MIS18A: variants seen among roughly 807,000 people sequenced by gnomAD.
MIS18A encodes protein Mis18-alpha.
MIS18A carries 14 observed loss-of-function variants against 25.0 expected under a neutral mutation model. The ratio of observed to expected loss-of-function variants is 0.56; its 90% confidence interval spans 0.37 to 0.88. The LOEUF is 0.88. Ranked by LOEUF, MIS18A falls within the 40% of genes least tolerant of loss-of-function variation. MIS18A has a pLI of 0.00. For missense variants in MIS18A, 292 were observed against 290.8 expected (o/e 1.00, Z -0.03); for synonymous variants, 134 against 118.6 (o/e 1.13, Z -0.84).
the MIS18A span, among the ~76,000 whole-genome samples, chr21:32,254,652 G>A: frequency 6.6e-6 from 1 of 152,138 alleles, no homozygotes; most frequent in South Asian, 2.1e-4. Context: ...TTGTCATGTT[G>A]TTATAAATAA....
the MIS18A span, among the ~76,000 whole-genome samples, chr21:32,211,937 GC>G: frequency 6.6e-6 from 1 of 152,090 alleles, no homozygotes; most frequent in Admixed American, 6.5e-5. Flanking sequence ...CTCTCCCCAG[GC>G]CCATACCCTA....
the MIS18A span, among the ~76,000 whole-genome samples, chr21:32,249,462 T>A: frequency 1.3e-5 from 2 of 152,186 alleles, no homozygotes; most frequent in African/African-American, 2.4e-5. Flanking sequence ...TAATTAACCA[T>A]GAAGACTTCT....
At chr21:32,210,208 A>G in the MIS18A span, among the ~76,000 whole-genome samples, 2 of 152,304 alleles carry the variant, frequency 1.3e-5, no homozygotes, top group East Asian at 3.9e-4. Flanking sequence ...CTGTTTCTTC[A>G]TGCTTACAAT....
chr21:32,241,591 C>G, the MIS18A span, among the ~76,000 whole-genome samples: 1 of 152,284 alleles, frequency 6.6e-6, no homozygotes, highest in Admixed American at 6.5e-5. Flanking sequence ...TGCCTGTCTG[C>G]TAGACCAGAC....
chr21:32,213,853 TCTC>T, the MIS18A span, among the ~76,000 whole-genome samples: 26 of 152,246 alleles, frequency 1.7e-4, no homozygotes, highest in East Asian at 5.0e-3. Context: ...TGTGCTCACA[TCTC>T]CTCTCTGACT....
the MIS18A span, among the ~76,000 whole-genome samples, chr21:32,212,346 A>G: frequency 6.6e-6 from 1 of 152,140 alleles, no homozygotes; most frequent in Non-Finnish European, 1.5e-5. Flanking sequence ...AGGAACCTGT[A>G]GCAGCTCACT....
At chr21:32,244,573 C>CA in the MIS18A span, among the ~76,000 whole-genome samples, 1 of 151,832 alleles carries the variant, frequency 6.6e-6, no homozygotes, top group Non-Finnish European at 1.5e-5. Flanking sequence ...CTCATCTTTA[C>CA]AAAAAATCAA....
chr21:32,277,650 T>C (rs1353432737), intron 1 of MIS18A, among the ~76,000 whole-genome samples: 1 of 152,140 alleles, frequency 6.6e-6, no homozygotes, highest in Admixed American at 6.5e-5. Flanking sequence ...GATCTGGAAT[T>C]TTTGTATTTT....
chr21:32,156,086 T>C, the MIS18A span, among the ~76,000 whole-genome samples: 1 of 152,146 alleles, frequency 6.6e-6, no homozygotes, highest in Non-Finnish European at 1.5e-5. Context: ...AAGAAAAAGA[T>C]TTCCTTGACC....
chr21:32,172,511 T>A, the MIS18A span, among the ~76,000 whole-genome samples: 3 of 152,044 alleles, frequency 2.0e-5, no homozygotes, highest in African/African-American at 7.2e-5. Context: ...ATACAATTTT[T>A]AAAAACCAAA....
downstream of MIS18A, among the ~76,000 whole-genome samples, chr21:32,268,014 G>A (rs928767103): frequency 2.0e-5 from 3 of 152,128 alleles, no homozygotes; most frequent in Non-Finnish European, 4.4e-5. Flanking sequence ...AGGGAACTTC[G>A]GAGCAAACGC....
At chr21:32,219,300 T>C in the MIS18A span, among the ~76,000 whole-genome samples, 3 of 152,260 alleles carry the variant, frequency 2.0e-5, no homozygotes, top group East Asian at 5.8e-4. Context: ...TGGGACTGGT[T>C]ACACAGTGGG....
chr21:32,236,906 T>C, the MIS18A span, among the ~76,000 whole-genome samples: 1,640 of 152,188 alleles, frequency 0.011, 33 homozygotes, highest in African/African-American at 0.037. Flanking sequence ...CAATGAGATA[T>C]CAGGAATGCA....
chr21:32,166,246 A>G, the MIS18A span, among the ~76,000 whole-genome samples: 13,237 of 152,252 alleles, frequency 0.087, 1,230 homozygotes, highest in African/African-American at 0.24. Context: ...TGTAGGCAAA[A>G]ATGTTAAAAA....
chr21:32,218,026 T>C, the MIS18A span, among the ~76,000 whole-genome samples: 1 of 151,622 alleles, frequency 6.6e-6, no homozygotes, highest in Admixed American at 6.6e-5. Context: ...ATCCCGTCTC[T>C]ACTAAAAATA....
the MIS18A span, among the ~76,000 whole-genome samples, chr21:32,227,643 G>A: frequency 2.7e-5 from 4 of 150,748 alleles, no homozygotes; most frequent in East Asian, 1.9e-4. Context: ...AATACTTGAC[G>A]TCAATTCTTC....
the MIS18A span, among the ~76,000 whole-genome samples, chr21:32,180,199 C>T: frequency 6.6e-6 from 1 of 152,212 alleles, no homozygotes; most frequent in African/African-American, 2.4e-5. Context: ...CAGTTCTTCG[C>T]TTTCAGACAG....
chr21:32,263,896 A>C (rs1191483835), downstream of MIS18A, among the ~76,000 whole-genome samples: 1 of 151,104 alleles, frequency 6.6e-6, no homozygotes, highest in Non-Finnish European at 1.5e-5. Flanking sequence ...CAGTTTAATG[A>C]CCAGCTGACA....
At chr21:32,269,904 G>A (rs1051310101) in intron 3 of MIS18A, 101 bp from the exon 4 acceptor site, 2 of 760,336 alleles carry the variant, frequency 2.6e-6, no homozygotes, top group Non-Finnish European at 4.5e-6. Flanking sequence ...CTGAGGCTAG[G>A]AGTTTGAAAC....
Sources: allele counts gnomAD v4.1 joint callset (sites outside exome capture counted in the v4.1 genomes callset), GRCh38; gene constraint gnomAD v4.1.1; transcripts MANE v1.5; gene names NCBI Gene and HGNC (gene_info 2026-07-23, HGNC 2026-07-21).